Variants in DENND1A observed in about 807,000 individuals in gnomAD.
The protein encoded by DENND1A is DENN domain-containing protein 1A.
Under a neutral mutation model 113.7 loss-of-function variants are expected in DENND1A, and 51 were observed. The ratio of observed to expected loss-of-function variants is 0.45; its 90% CI spans 0.36 to 0.57. DENND1A has a LOEUF of 0.57. Among genes scored for constraint, DENND1A ranks in the 20% least tolerant of loss-of-function variants. The pLI is 0.00. For missense variants in DENND1A, 1,258 were observed against 1,395.9 expected, an observed-to-expected ratio of 0.90 and a Z score of 1.57; for synonymous variants, 565 against 570.8, an observed-to-expected ratio of 0.99 and a Z score of 0.14.
At chr9:123,806,625 AG>A (rs1835624793) in intron 2 of DENND1A, among the ~76,000 whole-genome samples, 1 of 152,218 alleles carries the variant, frequency 6.6e-6, no homozygotes, top group East Asian at 1.9e-4. Context: ...ATCAGCACTC[AG>A]GAAGTTTTGG....
chr9:123,768,634 G>A (rs538226224), intron 4 of DENND1A, among the ~76,000 whole-genome samples: 1 of 152,132 alleles, frequency 6.6e-6, no homozygotes, highest in East Asian at 1.9e-4. Flanking sequence ...CAGTTTCATA[G>A]TTCAAATTTC....
rs543653644 is a variant in DENND1A at position 123,706,632 on chromosome 9, G to A, written c.303-29843C>T. Reference sequence around the variant, plus strand: ...TAAAAATACAAAAAATTAGCCAGGCGTGGTGGCGGGCGCCTGTCGTCCCAG... The same window carrying A: ...TAAAAATACAAAAAATTAGCCAGGCATGGTGGCGGGCGCCTGTCGTCCCAG... On this transcript the variant is annotated intron_variant, in intron 5 of 23. Coordinates refer to ENST00000394215, the MANE Select transcript of DENND1A (RefSeq NM_001352964.2). Among the ~76,000 whole-genome samples the A allele has an allele frequency of 1.6e-4, 25 of 151,554 alleles. No individual in the cohort carries two copies. The South Asian group carries it at 4.8e-3, about 29-fold the overall frequency.
intron 2 of DENND1A, among the ~76,000 whole-genome samples, chr9:123,828,172 T>C (rs1054166126): frequency 6.6e-6 from 1 of 151,906 alleles, no homozygotes; most frequent in African/African-American, 2.4e-5. Flanking sequence ...GGAGATAAGA[T>C]GGAAGACAGG....
intron 2 of DENND1A, among the ~76,000 whole-genome samples, chr9:123,836,728 G>A (rs1366873722): frequency 6.6e-6 from 1 of 151,670 alleles, no homozygotes; most frequent in Non-Finnish European, 1.5e-5. Flanking sequence ...AATGTATACA[G>A]GTATACATTT....
intron 19 of DENND1A, chr9:123,414,666 T>C: frequency 6.6e-7 from 1 of 1,519,080 alleles, no homozygotes; most frequent in South Asian, 1.2e-5. Context: ...TTAACTCTTT[T>C]TTAAAAAGTC....
chr9:123,481,797 C>CTTTTTT (rs199644080), intron 13 of DENND1A, among the ~76,000 whole-genome samples: 1 of 138,148 alleles, frequency 7.2e-6, no homozygotes, highest in African/African-American at 2.7e-5. Context: ...TTCTTTCTTT[C>CTTTTTT]TTTTTTTTTT....
At chr9:123,410,115 A>G (rs1439947336) in intron 20 of DENND1A, among the ~76,000 whole-genome samples, 1 of 152,156 alleles carries the variant, frequency 6.6e-6, no homozygotes, top group Non-Finnish European at 1.5e-5. Context: ...AAACAAAAAA[A>G]AACTCTTACT....
intron 13 of DENND1A, among the ~76,000 whole-genome samples, chr9:123,545,150 A>G: frequency 6.6e-6 from 1 of 152,000 alleles, no homozygotes; most frequent in East Asian, 1.9e-4. Flanking sequence ...CATCCTACTG[A>G]GCACCTTCTA....
intron 13 of DENND1A, among the ~76,000 whole-genome samples, chr9:123,549,485 G>A (rs1300469664): frequency 1.3e-5 from 2 of 152,030 alleles, no homozygotes; most frequent in African/African-American, 4.8e-5. Context: ...TGAGTCAACC[G>A]AAATCTGCTT....
intron 18 of DENND1A, among the ~76,000 whole-genome samples, chr9:123,450,104 T>C (rs2047603114): frequency 6.8e-6 from 1 of 148,062 alleles, no homozygotes; most frequent in Admixed American, 6.7e-5. Flanking sequence ...ATAGCTGGGA[T>C]GATATCCCAC....
chr9:123,760,199 A>T (rs2070919984), intron 4 of DENND1A, among the ~76,000 whole-genome samples: 2 of 152,236 alleles, frequency 1.3e-5, no homozygotes, highest in Admixed American at 1.3e-4. Context: ...GAAGAAATTT[A>T]AAAATCATGG....
chr9:123,479,011 C>T (rs2050130664), intron 13 of DENND1A, among the ~76,000 whole-genome samples: 1 of 152,178 alleles, frequency 6.6e-6, no homozygotes. Context: ...GCTTAAGCAC[C>T]AGAATGGTAA....
intron 11 of DENND1A, among the ~76,000 whole-genome samples, chr9:123,605,801 G>C (rs1347869427): frequency 6.6e-6 from 1 of 152,188 alleles, no homozygotes; most frequent in African/African-American, 2.4e-5. Context: ...ACAAATTTGA[G>C]TGTCATAAAA....
chr9:123,583,287 A>T lies in DENND1A; in HGVS notation c.766-17T>A, dbSNP rs1449414302. On this transcript the variant is annotated splice_polypyrimidine_tract_variant and intron_variant, in intron 11 of 23. Transcript: ENST00000394215. ...TCTGACTTTCTGCAAGGAGAAAAAA[A>T]TCCACAAGAGAAGGTCATTGAGGTG... 6.2e-7 allele frequency: 1 copy of T among 1,602,790 alleles called. No individual in the cohort carries two copies. Among genetic ancestry groups the T allele is most frequent in the Non-Finnish European group, 8.5e-7 (1 of 1,171,528 alleles).
At chr9:123,520,796 GT>G (rs2054330533) in intron 13 of DENND1A, among the ~76,000 whole-genome samples, 1 of 152,176 alleles carries the variant, frequency 6.6e-6, no homozygotes, top group East Asian at 1.9e-4. Flanking sequence ...ACCTGACTCT[GT>G]TCCCACTACC....
At chr9:123,899,752 T>C (rs1851310490) in intron 1 of DENND1A, among the ~76,000 whole-genome samples, 1 of 152,220 alleles carries the variant, frequency 6.6e-6, no homozygotes, top group Non-Finnish European at 1.5e-5. Flanking sequence ...TCCTGTGCAA[T>C]GTGAAACTTT....
At chr9:123,440,325 A>AG (rs1234916726) in intron 19 of DENND1A, 35 bp downstream of exon 19, 17 of 1,570,034 alleles carry the variant, frequency 1.1e-5, no homozygotes, top group Non-Finnish European at 1.5e-5. Context: ...TAAAAAAAAA[A>AG]CAAAACAGAC....
At chr9:123,524,589 G>A (rs1452632690) in intron 13 of DENND1A, among the ~76,000 whole-genome samples, 1 of 152,176 alleles carries the variant, frequency 6.6e-6, no homozygotes, top group Non-Finnish European at 1.5e-5. Flanking sequence ...CACATTTAAG[G>A]GCTGAATTTG....
chr9:123,776,150 A>G (rs1830440231), intron 3 of DENND1A, among the ~76,000 whole-genome samples: 1 of 152,222 alleles, frequency 6.6e-6, no homozygotes, highest in Admixed American at 6.5e-5. Context: ...CGTCGGTGGC[A>G]TAAGTGTCTG....
Sources: allele counts gnomAD v4.1 joint callset (sites outside exome capture counted in the v4.1 genomes callset), GRCh38; gene constraint gnomAD v4.1.1; transcripts MANE v1.5; gene names NCBI Gene and HGNC (gene_info 2026-07-23, HGNC 2026-07-21).